The following ZMPSTE24 variants were observed in gnomAD, a reference collection of about 807,000 sequenced individuals.
The protein encoded by ZMPSTE24 is CAAX prenyl protease 1 homolog.
ZMPSTE24 carries 48 observed loss-of-function variants against 56.7 expected under a neutral mutation model. The observed-to-expected ratio is 0.85, with a 90% CI of 0.67 to 1.08. The LOEUF (loss-of-function observed/expected upper bound fraction) is 1.08, where lower values mean the gene tolerates loss of function less well. ZMPSTE24 is among the 50% of genes least tolerant of loss of function. The pLI is 0.00. For synonymous variants in ZMPSTE24, 172 were observed against 195.2 expected (o/e 0.88, Z 0.99); for missense variants, 503 against 548.7 (o/e 0.92, Z 0.83).
chr1:40,268,408 C>A lies in ZMPSTE24; in HGVS notation c.358-11C>A. On this transcript the variant is annotated splice_polypyrimidine_tract_variant and intron_variant, in intron 3 of 9. Transcript: ENST00000372759. ...CATAAAAACTGGATTTTTGTTTTTT[C>A]TTTTGTTTAGATCACTCAGTCCCTG... 1 of 1,601,034 alleles carries A rather than the reference C, an allele frequency of 6.2e-7. No individual in the cohort carries two copies.
At chr1:40,288,856 A>G (rs1229040964) in intron 8 of ZMPSTE24, among the ~76,000 whole-genome samples, 2 of 152,006 alleles carry the variant, frequency 1.3e-5, no homozygotes, top group Non-Finnish European at 2.9e-5. Context: ...CCCACTGCCA[A>G]TAAATTAGGA....
intron 6 of ZMPSTE24, among the ~76,000 whole-genome samples, chr1:40,273,537 A>ATATAT (rs1553179858): frequency 4.0e-3 from 50 of 12,378 alleles, no homozygotes; most frequent in Non-Finnish European, 8.7e-3. Context: ...AAAAAAAAAA[A>ATATAT]ATATATATAT....
At chr1:40,287,063 T>TTTTTC (rs111333014) in intron 8 of ZMPSTE24, among the ~76,000 whole-genome samples, 77,671 of 147,542 alleles carry the variant, frequency 0.53, 21,710 homozygotes, top group African/African-American at 0.72. Context: ...CATTTTTTTC[T>TTTTTC]TTTTCTTTTC....
intron 6 of ZMPSTE24, among the ~76,000 whole-genome samples, chr1:40,277,022 C>T (rs1557777972): frequency 6.6e-6 from 1 of 151,468 alleles, no homozygotes; most frequent in Non-Finnish European, 1.5e-5. Flanking sequence ...TTATGCGGTA[C>T]ATGACTGTAT....
chr1:40,276,262 C>T (rs763024978), intron 6 of ZMPSTE24, among the ~76,000 whole-genome samples: 4 of 152,056 alleles, frequency 2.6e-5, no homozygotes, highest in Non-Finnish European at 5.9e-5. Flanking sequence ...AGTTTTAGGG[C>T]GAGGTCAGCG....
chr1:40,282,866 C>G (rs192998500), intron 7 of ZMPSTE24, among the ~76,000 whole-genome samples: 12 of 152,184 alleles, frequency 7.9e-5, no homozygotes, highest in Admixed American at 6.5e-4. Context: ...CCAGATGTCC[C>G]CTAAAGGTAG....
chr1:40,268,353 A>G (rs1242346748), intron 3 of ZMPSTE24, 66 bp from the exon 4 acceptor site: 17 of 1,061,764 alleles, frequency 1.6e-5, no homozygotes, highest in South Asian at 3.8e-5. Flanking sequence ...AGTGCTCAGC[A>G]AATACTTGTT....
chr1:40,263,267 G>A lies in ZMPSTE24; in HGVS notation c.270+2282G>A, dbSNP rs61374224. ...GAAGCAGTACTGATGGGCTAAGGTT[G>A]GGAACAGTAATAGTTAATAGTCGTC... On this transcript the variant is annotated intron_variant, in intron 2 of 9. Coordinates refer to ENST00000372759, the MANE Select transcript of ZMPSTE24 (RefSeq NM_005857.5). Among the ~76,000 whole-genome samples the A allele has an allele frequency of 3.6e-4, 55 of 152,286 alleles. No individual in the cohort carries two copies. In the East Asian group the frequency reaches 8.5e-3, roughly 24 times the overall value.
intron 6 of ZMPSTE24, among the ~76,000 whole-genome samples, chr1:40,273,516 T>TA (rs1205861105): frequency 0.02 from 217 of 10,588 alleles, 29 homozygotes; most frequent in Middle Eastern, 0.11. Flanking sequence ...AAATTCTGTC[T>TA]AAAAAAAAAA....
At chr1:40,261,643 G>A (rs1643497889) in intron 2 of ZMPSTE24, among the ~76,000 whole-genome samples, 1 of 152,168 alleles carries the variant, frequency 6.6e-6, no homozygotes, top group African/African-American at 2.4e-5. Context: ...TGCCTGGCAT[G>A]TAATCAGCAT....
chr1:40,273,532 AAAAAAATATATATATATATATATATAT>A (rs1643633873), intron 6 of ZMPSTE24, among the ~76,000 whole-genome samples: 1 of 81,546 alleles, frequency 1.2e-5, no homozygotes, highest in Admixed American at 1.4e-4. Context: ...AAAAAAAAAA[AAAAAAATATATATATATATATATATAT>A]ATATATATAT....
intron 7 of ZMPSTE24, among the ~76,000 whole-genome samples, chr1:40,285,020 G>A (rs1322644020): frequency 6.7e-6 from 1 of 148,496 alleles, no homozygotes; most frequent in East Asian, 2.0e-4. Context: ...ACGCCTCCCA[G>A]TTTCAAGCAG....
intron 6 of ZMPSTE24, among the ~76,000 whole-genome samples, chr1:40,273,851 C>T (rs1336822459): frequency 6.6e-6 from 1 of 151,732 alleles, no homozygotes; most frequent in Admixed American, 6.6e-5. Flanking sequence ...AATGCTATGA[C>T]AGTGGAGGTA....
At position 40,292,725 on chromosome 1, in the gene ZMPSTE24, G is replaced by A. The variant is rs1053028547; in HGVS notation, c.*56G>A. The A allele has an allele frequency of 2.6e-6, 4 of 1,544,750 alleles. No individual in the cohort carries two copies. The African/African-American group carries it at 4.1e-5, about 16-fold the overall frequency. ...CTGATTATTTCTGTCCTGGCAGCAT[G>A]TTCCAGCTCTTGATGTTTTTAAACT... On this transcript the variant is annotated 3_prime_UTR_variant, in exon 10 of 10. Coordinates refer to ENST00000372759, the MANE Select transcript of ZMPSTE24 (RefSeq NM_005857.5).
intron 2 of ZMPSTE24, among the ~76,000 whole-genome samples, chr1:40,265,282 A>G (rs1428130213): frequency 3.3e-5 from 5 of 152,238 alleles, no homozygotes; most frequent in African/African-American, 1.2e-4. Flanking sequence ...TCCCAGGTCA[A>G]TTAGATCAAC....
Position 40,275,726 on chromosome 1 carries a change from T to TG in ZMPSTE24, c.769+3694dup, listed in dbSNP as rs1294442204. Among the ~76,000 whole-genome samples the TG allele has an allele frequency of 4.1e-5, 5 of 121,086 alleles. No homozygotes were observed. In the East Asian group the frequency reaches 1.3e-3, roughly 31 times the overall value. 79.4% of individuals were successfully genotyped at this position (121,086 alleles called of 152,430 possible). A position where few individuals can be genotyped will look rare whatever the true frequency, so the allele number is the denominator to read the frequency against. On this transcript the variant is annotated intron_variant, in intron 6 of 9. Transcript: ENST00000372759. ...GAGATCGCGCCACTACACTCCAGCCTGGGCAACAAGAGTGAGACCCTGTCT... is the reference window on the plus strand; with the variant it reads ...GAGATCGCGCCACTACACTCCAGCCTGGGGCAACAAGAGTGAGACCCTGTCT...
chr1:40,262,525 CTT>C (rs77653659), intron 2 of ZMPSTE24: 80 of 123,352 alleles, frequency 6.5e-4, no homozygotes, highest in Non-Finnish European at 1.0e-3. Flanking sequence ...AGACACTATT[CTT>C]TTTTTTTTTT....
At chr1:40,281,191 TG>T in intron 6 of ZMPSTE24, 151 bp from the exon 7 acceptor site, 1 of 769,312 alleles carries the variant, frequency 1.3e-6, no homozygotes, top group Non-Finnish European at 2.1e-6. Flanking sequence ...TCTCCACTGC[TG>T]GTGGTGAATT....
chr1:40,262,215 A>C (rs182329950), intron 2 of ZMPSTE24, among the ~76,000 whole-genome samples: 1 of 152,266 alleles, frequency 6.6e-6, no homozygotes, highest in African/African-American at 2.4e-5. Flanking sequence ...CTTAACAAGT[A>C]TGGAATAATA....
Sources: gnomAD v4.1 joint callset for allele counts (sites outside exome capture counted in the v4.1 genomes callset) on GRCh38, gnomAD v4.1.1 for gene constraint, MANE v1.5 for transcripts, NCBI Gene and HGNC (gene_info 2026-07-23, HGNC 2026-07-21) for gene names.